PTPRM: variants seen among roughly 807,000 people sequenced by gnomAD.
PTPRM encodes the protein protein tyrosine phosphatase receptor type M, also known as receptor-type tyrosine-protein phosphatase mu.
Under a neutral mutation model 186.7 loss-of-function variants are expected in PTPRM, and 47 were observed. That is an observed-to-expected ratio of 0.25 (90% CI 0.20 to 0.32). The LOEUF (loss-of-function observed/expected upper bound fraction) is 0.32, where lower values mean the gene tolerates loss of function less well. PTPRM is among the 10% of genes least tolerant of loss of function. PTPRM has a pLI of 1.00. For synonymous variants in PTPRM, 668 were observed against 674.9 expected, an observed-to-expected ratio of 0.99 and a Z score of 0.16; for missense variants, 1,494 against 1,865.0, an observed-to-expected ratio of 0.80 and a Z score of 3.66.
intron 19 of PTPRM, among the ~76,000 whole-genome samples, chr18:8,285,143 G>A (rs1477843711): frequency 1.3e-5 from 2 of 152,178 alleles, no homozygotes; most frequent in South Asian, 2.1e-4. Context: ...TGCCAATTCA[G>A]TGGCACTTTA....
chr18:7,677,337 A>G (rs1205613662), intron 1 of PTPRM, among the ~76,000 whole-genome samples: 2 of 152,236 alleles, frequency 1.3e-5, no homozygotes, highest in Non-Finnish European at 2.9e-5. Flanking sequence ...GTTTGTGACC[A>G]AAGCTGACGA....
At chr18:7,682,869 C>T (rs954446484) in intron 1 of PTPRM, among the ~76,000 whole-genome samples, 1 of 152,048 alleles carries the variant, frequency 6.6e-6, no homozygotes, top group African/African-American at 2.4e-5. Flanking sequence ...GCCAGAGGGC[C>T]CTGAGACTGA....
At position 7,616,978 on chromosome 18, in the gene PTPRM, T is replaced by C. The variant is rs529613325; in HGVS notation, c.73+49087T>C. On this transcript the variant is annotated intron_variant, in intron 1 of 32. Transcript: ENST00000580170. Reference sequence around the variant, plus strand: ...GTTGTTCTCACTGTCAGCACCTCTCTGATCAAACAGAAGTACAGAGAGGGA... The same window carrying C: ...GTTGTTCTCACTGTCAGCACCTCTCCGATCAAACAGAAGTACAGAGAGGGA... Among the ~76,000 whole-genome samples, 5 of 152,254 alleles carry C rather than the reference T, an allele frequency of 3.3e-5. No homozygotes were observed. The South Asian group carries it at 8.3e-4, about 25-fold the overall frequency.
At chr18:8,363,360 G>C (rs1444439175) in intron 23 of PTPRM, among the ~76,000 whole-genome samples, 2 of 152,182 alleles carry the variant, frequency 1.3e-5, no homozygotes, top group Non-Finnish European at 2.9e-5. Flanking sequence ...GAACGGTTCT[G>C]TGACTGGCAC....
rs145277562 is a variant in PTPRM, at chr18:7,793,520, A to G, written c.196+19249A>G. 2.2e-3 allele frequency among the ~76,000 whole-genome samples: 329 copies of G among 152,280 alleles called. 2 individuals are homozygous for G. Among genetic ancestry groups the G allele is most frequent in the African/African-American group, 7.7e-3 (321 of 41,554 alleles). ...TCACTTACCTTCCTTCTAAATGACAATGTTCCACTGTAGCAAAGCAGTTCT... is the reference window on the plus strand; with the variant it reads ...TCACTTACCTTCCTTCTAAATGACAGTGTTCCACTGTAGCAAAGCAGTTCT... On this transcript the variant is annotated intron_variant, in intron 2 of 32. Coordinates refer to ENST00000580170, the MANE Select transcript of PTPRM (RefSeq NM_001105244.2).
chr18:8,390,568 T>C (rs1355112082), intron 31 of PTPRM, among the ~76,000 whole-genome samples: 10 of 152,088 alleles, frequency 6.6e-5, no homozygotes, highest in Admixed American at 2.6e-4. Flanking sequence ...TGCAAGCCAG[T>C]AGGAAAATGA....
chr18:7,640,561 G>A (rs552456838), intron 1 of PTPRM, among the ~76,000 whole-genome samples: 4 of 152,214 alleles, frequency 2.6e-5, no homozygotes, highest in African/African-American at 9.6e-5. Context: ...CAGCCAATTG[G>A]TGTGGTTAGG....
chr18:8,095,787 G>GA (rs1246539644), intron 11 of PTPRM, among the ~76,000 whole-genome samples: 3 of 151,676 alleles, frequency 2.0e-5, no homozygotes, highest in Non-Finnish European at 4.4e-5. Flanking sequence ...TTTTTAGAAG[G>GA]AAAAAAAGAG....
chr18:7,578,389 A>G (rs368314791), intron 1 of PTPRM, among the ~76,000 whole-genome samples: 3 of 144,188 alleles, frequency 2.1e-5, no homozygotes, highest in East Asian at 2.0e-4. Context: ...AGGCTGGAGT[A>G]CAATGGCGTG....
At chr18:8,207,450 T>G (rs1681353304) in intron 14 of PTPRM, among the ~76,000 whole-genome samples, 3 of 152,152 alleles carry the variant, frequency 2.0e-5, no homozygotes, top group African/African-American at 7.2e-5. Flanking sequence ...TACCTACGTT[T>G]CCAATAATGG....
At chr18:7,978,311 T>C (rs766672392) in intron 7 of PTPRM, among the ~76,000 whole-genome samples, 11 of 152,156 alleles carry the variant, frequency 7.2e-5, no homozygotes, top group Non-Finnish European at 1.5e-4. Context: ...CCGAGAGATA[T>C]TTATCTGCCA....
intron 7 of PTPRM, among the ~76,000 whole-genome samples, chr18:8,048,515 G>T (rs2087231074): frequency 6.6e-6 from 1 of 151,672 alleles, no homozygotes; most frequent in African/African-American, 2.4e-5. Flanking sequence ...TTAGCAGGAT[G>T]GAAAACCTAG....
At chr18:8,386,058 A>T (rs2095770548) in intron 30 of PTPRM, among the ~76,000 whole-genome samples, 1 of 152,126 alleles carries the variant, frequency 6.6e-6, no homozygotes, top group Non-Finnish European at 1.5e-5. Flanking sequence ...GTTGTTGTCC[A>T]GGCTGCCCGT....
chr18:8,162,856 C>CTAAG (rs1378104496), intron 14 of PTPRM, among the ~76,000 whole-genome samples: 3 of 152,162 alleles, frequency 2.0e-5, no homozygotes, highest in Admixed American at 6.5e-5. Flanking sequence ...TTCTAAACTG[C>CTAAG]TAAGTGTCCA....
chr18:7,894,592 A>AAT (rs150099621), intron 3 of PTPRM, among the ~76,000 whole-genome samples: 35 of 150,404 alleles, frequency 2.3e-4, no homozygotes, highest in East Asian at 3.9e-4. Flanking sequence ...TCTCAGGAAA[A>AAT]ATATATATAT....
At chr18:7,680,624 T>C (rs1179775728) in intron 1 of PTPRM, among the ~76,000 whole-genome samples, 2 of 152,162 alleles carry the variant, frequency 1.3e-5, no homozygotes, top group Admixed American at 6.5e-5. Flanking sequence ...CAGAGACTTA[T>C]GTGTATGGGA....
At chr18:8,124,810 A>T (rs981825075) in intron 13 of PTPRM, among the ~76,000 whole-genome samples, 2 of 152,136 alleles carry the variant, frequency 1.3e-5, no homozygotes, top group Admixed American at 6.5e-5. Flanking sequence ...CCAATAGAAG[A>T]TATAGGAGGT....
chr18:7,664,854 G>A (rs2039061747), intron 1 of PTPRM, among the ~76,000 whole-genome samples: 1 of 152,212 alleles, frequency 6.6e-6, no homozygotes, highest in Non-Finnish European at 1.5e-5. Flanking sequence ...TGGTATGTGA[G>A]ATGGGGATGA....
chr18:8,379,183 C>A lies in PTPRM; in HGVS notation c.3629C>A (p.Thr1210Lys). The part of the protein sequence containing the change: ...KEEFRTLNMV[T>K]PTLRVEDCSI... ...CTCACGCAGACGCTAAACATGGTGA[C>A]ACCAACGCTGCGAGTAGAGGACTGC... is the stretch of plus-strand genomic sequence containing the variant. Residue 1210 changes from threonine to lysine, a missense_variant, in exon 28 of 33, where the codon ACA becomes AAA. Thr to Lys is a moderately conservative substitution (Grantham distance 78, BLOSUM62 -1). Coordinates refer to ENST00000580170, the MANE Select transcript of PTPRM (RefSeq NM_001105244.2). The A allele has an allele frequency of 6.2e-7, 1 of 1,607,792 alleles. No individual in the cohort carries two copies. Among genetic ancestry groups the A allele is most frequent in the Non-Finnish European group, 8.5e-7 (1 of 1,176,940 alleles).
Sources: gnomAD v4.1 joint callset for allele counts (sites outside exome capture counted in the v4.1 genomes callset) on GRCh38, gnomAD v4.1.1 for gene constraint, MANE v1.5 for transcripts, NCBI Gene and HGNC (gene_info 2026-07-23, HGNC 2026-07-21) for gene names.